The following FAIM2 variants were observed in gnomAD, a reference collection of about 807,000 sequenced individuals.
FAIM2 encodes protein lifeguard 2.
FAIM2 carries 27 observed loss-of-function variants against 47.4 expected under a neutral mutation model. That is an observed-to-expected ratio of 0.57 (90% CI 0.42 to 0.78). The LOEUF (loss-of-function observed/expected upper bound fraction) is 0.78, where lower values mean the gene tolerates loss of function less well. Among genes scored for constraint, FAIM2 ranks in the 30% least tolerant of loss-of-function variants. The pLI, the probability that FAIM2 is intolerant of heterozygous loss-of-function variation, is 0.00. For missense variants in FAIM2, 311 were observed against 389.4 expected, an observed-to-expected ratio of 0.80 and a Z score of 1.69; for synonymous variants, 156 against 159.3, an observed-to-expected ratio of 0.98 and a Z score of 0.16.
rs1946889852 is a variant in FAIM2 at position 49,890,174 on chromosome 12, A to T, written c.526-20T>A. 1 of 1,613,804 alleles carries T rather than the reference A, an allele frequency of 6.2e-7. No homozygotes were observed. The highest frequency in any genetic ancestry group is 8.5e-7 in the Non-Finnish European group (1 of 1,179,732). ...CAGGGTCTGAAAGGAGAAGCAGGGT[A>T]AAGGAATGTTCCAAACTCAGACGCA... On this transcript the variant is annotated intron_variant, in intron 7 of 11. Coordinates refer to ENST00000320634, the MANE Select transcript of FAIM2 (RefSeq NM_012306.4).
chr12:49,873,689 C>T (rs186039455), intron 11 of FAIM2, among the ~76,000 whole-genome samples: 23 of 152,262 alleles, frequency 1.5e-4, no homozygotes, highest in Admixed American at 2.0e-4. Flanking sequence ...GCTGGCTTTT[C>T]TCTTGGAGAG....
At chr12:49,888,401 C>A (rs553099361) in intron 10 of FAIM2, among the ~76,000 whole-genome samples, 4 of 152,068 alleles carry the variant, frequency 2.6e-5, no homozygotes, top group Non-Finnish European at 5.9e-5. Flanking sequence ...GGACTGTGTA[C>A]CATGTGTGGC....
intron 11 of FAIM2, among the ~76,000 whole-genome samples, chr12:49,883,365 T>G (rs1946839568): frequency 1.2e-4 from 17 of 142,596 alleles, no homozygotes; most frequent in African/African-American, 1.6e-4. Flanking sequence ...TGGATAGGAG[T>G]GGGGGCCACA....
At chr12:49,897,386 A>T in intron 4 of FAIM2, 133 bp downstream of exon 4, 1 of 846,854 alleles carries the variant, frequency 1.2e-6, no homozygotes, top group Non-Finnish European at 1.9e-6. Flanking sequence ...GTTCTTTCCC[A>T]GCAGGAGGAG....
Position 49,890,106 on chromosome 12 carries a change from G to A in FAIM2, c.563+11C>T. The A allele has an allele frequency of 6.2e-7, 1 of 1,613,464 alleles. No individual in the cohort carries two copies. The highest frequency in any genetic ancestry group is 2.2e-5 in the East Asian group (1 of 44,878). On this transcript the variant is annotated intron_variant, in intron 8 of 11. Coordinates refer to ENST00000320634, the MANE Select transcript of FAIM2 (RefSeq NM_012306.4). ...CTATGGTCCTTCTCTCCTTCCACCT[G>A]TTCCCTTTACCTGGACAGCATCCCA... is the stretch of plus-strand genomic sequence containing the variant.
chr12:49,899,640 A>G (rs1201695606), intron 2 of FAIM2, among the ~76,000 whole-genome samples: 2 of 152,138 alleles, frequency 1.3e-5, no homozygotes, highest in Admixed American at 6.5e-5. Context: ...TTTGGGACTC[A>G]GTGTGGATAC....
In FAIM2 at chr12:49,889,169, C is replaced by A; in HGVS notation, c.685G>T (p.Val229Leu). The change falls in exon 10 of 12, where the codon GTG becomes TTG. Residue 229 changes from valine (V) to leucine (L), a missense_variant. Coordinates refer to ENST00000320634, the MANE Select transcript of FAIM2 (RefSeq NM_012306.4). ...DFTSCQGVLF[V>L]LLMTLFFSGL... is the part of the protein sequence containing the mutation. ...CTGAAGAAAAGAGTCATGAGAAGCA[C>A]GAAGAGCACGCCCTGGCAGGAGGTG... The A allele has an allele frequency of 6.2e-7, 1 of 1,612,434 alleles. No homozygotes were observed. The highest frequency in any genetic ancestry group is 1.1e-5 in the South Asian group (1 of 90,498).
At chr12:49,897,444 C>A (rs1946945625) in intron 4 of FAIM2, 75 bp downstream of exon 4, 2 of 1,379,124 alleles carry the variant, frequency 1.5e-6, no homozygotes, top group Admixed American at 1.7e-5. Flanking sequence ...CAGCAGGAGT[C>A]TGATCATGGG....
Position 49,867,624 on chromosome 12 carries a change from G to C in FAIM2, c.*2880C>G, listed in dbSNP as rs1946672659. ...CACATTCCGGACAGTCAGATTCCTG[G>C]CTGCCTCCAGCTTTACAAAATCCAG... On this transcript the variant is annotated 3_prime_UTR_variant, in exon 12 of 12. Coordinates refer to ENST00000320634, the MANE Select transcript of FAIM2 (RefSeq NM_012306.4). The C allele has an allele frequency of 6.6e-6, 1 of 152,226 alleles. No individual in the cohort carries two copies. Among genetic ancestry groups the C allele is most frequent in the Non-Finnish European group, 1.5e-5 (1 of 68,094 alleles). 9.4% of individuals were successfully genotyped at this position (152,226 alleles called of 1,614,324 possible).
rs774851990 is a variant in FAIM2 at position 49,889,215 on chromosome 12, G to A, written c.652-13C>T. On this transcript the variant is annotated splice_polypyrimidine_tract_variant and intron_variant, in intron 9 of 11. Transcript: ENST00000320634. ...AGGTGAAGTCGAACTGTGGGGACAG[G>A]ATGGGGTTAGCTGCAGGAGCGGCCT... The A allele has an allele frequency of 6.2e-7, 1 of 1,601,224 alleles. No individual in the cohort carries two copies. The highest frequency in any genetic ancestry group is 1.1e-5 in the South Asian group (1 of 89,050).
intron 5 of FAIM2, among the ~76,000 whole-genome samples, chr12:49,891,583 C>T (rs1431436898): frequency 6.6e-6 from 1 of 152,222 alleles, no homozygotes; most frequent in Non-Finnish European, 1.5e-5. Context: ...AACCCAGGCA[C>T]TCTGGCTCCA....
At chr12:49,880,660 ATG>A (rs199728405) in intron 11 of FAIM2, among the ~76,000 whole-genome samples, 1,623 of 149,094 alleles carry the variant, frequency 0.011, 16 homozygotes, top group Non-Finnish European at 0.017. Flanking sequence ...CTGTGAGTGC[ATG>A]TGTGTGCGTG....
At position 49,869,669 on chromosome 12, in the gene FAIM2, A is replaced by T. The variant is rs547600971; in HGVS notation, c.*835T>A. On this transcript the variant is annotated 3_prime_UTR_variant, in exon 12 of 12. Coordinates refer to ENST00000320634, the MANE Select transcript of FAIM2 (RefSeq NM_012306.4). Reference sequence around the variant, plus strand: ...GTGGCAGCTGCCTGGCGGGTGGAGAAGTGAGTGAGAGGATGTGGGTCTCGG... The same window carrying T: ...GTGGCAGCTGCCTGGCGGGTGGAGATGTGAGTGAGAGGATGTGGGTCTCGG... The T allele has an allele frequency of 6.0e-5, 9 of 149,270 alleles. No homozygotes were observed. Among genetic ancestry groups the T allele is most frequent in the African/African-American group, 2.3e-4 (9 of 38,706 alleles). The allele number at this position is 149,270 out of a possible 1,614,324, so 9.2% of individuals were successfully genotyped here. A position where few individuals can be genotyped will look rare whatever the true frequency, so the allele number is the denominator to read the frequency against.
At chr12:49,879,370 GTGTGTATA>G (rs1398176736) in intron 11 of FAIM2, among the ~76,000 whole-genome samples, 53 of 151,230 alleles carry the variant, frequency 3.5e-4, no homozygotes, top group African/African-American at 1.3e-3. Context: ...GTGTGTGCAT[GTGTGTATA>G]TGTGTATGTG....
intron 3 of FAIM2, 107 bp downstream of exon 3, chr12:49,897,880 A>G: frequency 1.2e-6 from 1 of 847,342 alleles, no homozygotes; most frequent in Non-Finnish European, 2.0e-6. Flanking sequence ...GGATCACAAG[A>G]GAAGGGGGCA....
At position 49,890,131 on chromosome 12, in the gene FAIM2, A is replaced by G. The variant is rs774146218; in HGVS notation, c.549T>C (p.Thr183=). The G allele has an allele frequency of 1.9e-6, 3 of 1,613,994 alleles. No homozygotes were observed. The highest frequency in any genetic ancestry group is 2.5e-6 in the Non-Finnish European group (3 of 1,179,938). ...GTTCCCTTTACCTGGACAGCATCCC[A>G]GTGAGGTAGGCCATGGACAGGGTCT... ...TVFTLSMAYL[T]GMLSSYYNTT... The change falls in exon 8 of 12, where the codon ACT becomes ACC. Residue 183 remains threonine (T), a synonymous_variant. Transcript: ENST00000320634.
At chr12:49,877,992 G>A (rs1337204925) in intron 11 of FAIM2, among the ~76,000 whole-genome samples, 6 of 151,006 alleles carry the variant, frequency 4.0e-5, no homozygotes, top group Non-Finnish European at 8.8e-5. Flanking sequence ...GTGTTTATGT[G>A]TATGTGTGCA....
chr12:49,872,914 A>G (rs953580683), intron 11 of FAIM2, among the ~76,000 whole-genome samples: 1 of 152,218 alleles, frequency 6.6e-6, no homozygotes, highest in Admixed American at 6.5e-5. Flanking sequence ...TAAGCACTTA[A>G]TGAATGCTTG....
At chr12:49,889,610 A>G in intron 8 of FAIM2, 42 bp from the exon 9 acceptor site, 1 of 1,540,756 alleles carries the variant, frequency 6.5e-7, no homozygotes, top group Non-Finnish European at 9.0e-7. Flanking sequence ...CAGGCAGGGC[A>G]TCTGGTCTCC....
Sources: gnomAD v4.1 joint callset for allele counts (sites outside exome capture counted in the v4.1 genomes callset) on GRCh38, gnomAD v4.1.1 for gene constraint, MANE v1.5 for transcripts, NCBI Gene and HGNC (gene_info 2026-07-23, HGNC 2026-07-21) for gene names.